The following ASCC3 variants were observed in gnomAD, a reference collection of about 807,000 sequenced individuals.
ASCC3 encodes the protein ASC-1 complex subunit P200.
In ASCC3, 158 loss-of-function variants were observed where a neutral mutation model predicts 256.3. The ratio of observed to expected loss-of-function variants is 0.62; its 90% CI spans 0.54 to 0.70. The LOEUF (loss-of-function observed/expected upper bound fraction) is 0.70, where lower values mean the gene tolerates loss of function less well. Among genes scored for constraint, ASCC3 ranks in the 30% least tolerant of loss-of-function variants. The probability of loss-of-function intolerance (pLI) is 0.00; values close to 1 mark genes in which losing one functional copy is unlikely to be tolerated. For missense variants in ASCC3, 2,259 were observed against 2,626.0 expected (o/e 0.86, Z 3.05); for synonymous variants, 948 against 883.4 (o/e 1.07, Z -1.30).
At chr6:100,572,807 A>C (rs897461844) in intron 36 of ASCC3, among the ~76,000 whole-genome samples, 2 of 152,160 alleles carry the variant, frequency 1.3e-5, no homozygotes, top group African/African-American at 4.8e-5. Context: ...TTTGTTAGTA[A>C]TTAAGCTCTG....
chr6:100,822,850 A>G (rs1316514967), intron 4 of ASCC3, among the ~76,000 whole-genome samples: 2 of 152,224 alleles, frequency 1.3e-5, no homozygotes, highest in East Asian at 3.9e-4. Context: ...CATGGCAGAG[A>G]TATCCTTACA....
intron 9 of ASCC3, 130 bp downstream of exon 9, chr6:100,767,015 C>G: frequency 2.0e-6 from 2 of 982,544 alleles, no homozygotes; most frequent in Non-Finnish European, 3.1e-6. Context: ...TGAAGTAAAT[C>G]AAACAGTATT....
chr6:100,723,592 T>C (rs1311121202), intron 11 of ASCC3, among the ~76,000 whole-genome samples: 1 of 151,248 alleles, frequency 6.6e-6, no homozygotes, highest in East Asian at 1.9e-4. Context: ...TTTCCACACT[T>C]GAATCTGAAT....
intron 37 of ASCC3, among the ~76,000 whole-genome samples, chr6:100,521,177 TC>T (rs1191111327): frequency 6.6e-6 from 1 of 151,998 alleles, no homozygotes; most frequent in Non-Finnish European, 1.5e-5. Flanking sequence ...CATAAAGTAA[TC>T]CCCCCTTATC....
At chr6:100,551,495 AGGG>A (rs1434320022) in intron 36 of ASCC3, among the ~76,000 whole-genome samples, 21 of 151,876 alleles carry the variant, frequency 1.4e-4, no homozygotes, top group Admixed American at 1.2e-3. Flanking sequence ...TGAATAGAAA[AGGG>A]GGGACTGGCA....
intron 30 of ASCC3, among the ~76,000 whole-genome samples, chr6:100,613,496 C>G (rs529470397): frequency 6.6e-6 from 1 of 152,060 alleles, no homozygotes; most frequent in South Asian, 2.1e-4. Context: ...TTTTTTATGG[C>G]TGAATAGTAT....
chr6:100,843,347 A>G (rs1481760212), intron 4 of ASCC3, among the ~76,000 whole-genome samples: 5 of 152,204 alleles, frequency 3.3e-5, no homozygotes, highest in Admixed American at 1.3e-4. Flanking sequence ...GCATGGGTCA[A>G]GTAACGCCAT....
intron 13 of ASCC3, among the ~76,000 whole-genome samples, chr6:100,681,744 A>AAAAAAAAAAAAT (rs1777318215): frequency 6.6e-6 from 1 of 150,956 alleles, no homozygotes; most frequent in Non-Finnish European, 1.5e-5. Context: ...AAAAAAAAAA[A>AAAAAAAAAAAAT]AAAGAAAAGA....
At chr6:100,702,265 G>C (rs1778392461) in intron 13 of ASCC3, among the ~76,000 whole-genome samples, 1 of 152,130 alleles carries the variant, frequency 6.6e-6, no homozygotes, top group Admixed American at 6.6e-5. Flanking sequence ...AGGTAAACTA[G>C]ATAGGCATTG....
At chr6:100,527,279 GCTT>G (rs1454439351) in intron 37 of ASCC3, among the ~76,000 whole-genome samples, 2 of 152,120 alleles carry the variant, frequency 1.3e-5, no homozygotes, top group African/African-American at 4.8e-5. Context: ...GCTTTCTGAA[GCTT>G]CTTGCGCAGT....
At position 100,548,611 on chromosome 6, in the gene ASCC3, G is replaced by C. The variant is rs541922689; in HGVS notation, c.5551-8224C>G. ...CAACTACATATATAAACGCAAATTTGATATGGTGACAAGTGCTATGAGGAA... is the reference window on the plus strand; with the variant it reads ...CAACTACATATATAAACGCAAATTTCATATGGTGACAAGTGCTATGAGGAA... On this transcript the variant is annotated intron_variant, in intron 36 of 41. Coordinates refer to ENST00000369162, the MANE Select transcript of ASCC3 (RefSeq NM_006828.4). Among the ~76,000 whole-genome samples the C allele has an allele frequency of 7.9e-5, 12 of 152,028 alleles. No homozygotes were observed. In the South Asian group the frequency reaches 2.5e-3, roughly 32 times the overall value.
At chr6:100,732,462 G>A (rs754335079) in intron 10 of ASCC3, among the ~76,000 whole-genome samples, 5 of 152,062 alleles carry the variant, frequency 3.3e-5, no homozygotes, top group Non-Finnish European at 5.9e-5. Flanking sequence ...GAAAATGACC[G>A]TTAATTAAGA....
chr6:100,838,179 GTCTT>G (rs1422884074), intron 4 of ASCC3, among the ~76,000 whole-genome samples: 2 of 152,086 alleles, frequency 1.3e-5, no homozygotes, highest in South Asian at 2.1e-4. Context: ...TTTAGGAAAT[GTCTT>G]TCTTTGAGAT....
At chr6:100,655,558 T>C in intron 17 of ASCC3, 141 bp downstream of exon 17, 1 of 951,404 alleles carries the variant, frequency 1.1e-6, no homozygotes, top group South Asian at 1.7e-5. Context: ...TCTAATTTTT[T>C]GAAAAATATT....
chr6:100,577,851 A>G (rs899579100), intron 36 of ASCC3, among the ~76,000 whole-genome samples: 1 of 152,088 alleles, frequency 6.6e-6, no homozygotes, highest in African/African-American at 2.4e-5. Flanking sequence ...TAGACACACA[A>G]TAAATATATT....
chr6:100,701,832 G>T (rs933175908), intron 13 of ASCC3, among the ~76,000 whole-genome samples: 11 of 152,082 alleles, frequency 7.2e-5, no homozygotes, highest in Admixed American at 3.9e-4. Flanking sequence ...ACTAAGTGAA[G>T]AGAATAAGGA....
intron 1 of ASCC3, among the ~76,000 whole-genome samples, chr6:100,877,109 G>C (rs1774036721): frequency 1.3e-5 from 2 of 152,002 alleles, no homozygotes; most frequent in African/African-American, 4.8e-5. Context: ...AGCAACTTTA[G>C]GAAAAGATAG....
chr6:100,837,694 G>GGA (rs149280889), intron 4 of ASCC3, among the ~76,000 whole-genome samples: 2,495 of 152,094 alleles, frequency 0.016, 68 homozygotes, highest in African/African-American at 0.057. Flanking sequence ...TCTCATAGAA[G>GGA]GAGAGAGTAC....
At chr6:100,686,604 T>C (rs1200919707) in intron 13 of ASCC3, among the ~76,000 whole-genome samples, 3 of 152,194 alleles carry the variant, frequency 2.0e-5, no homozygotes, top group African/African-American at 7.2e-5. Context: ...CCAAAACTTA[T>C]TTATAATAAC....
Sources: gnomAD v4.1 joint callset for allele counts (sites outside exome capture counted in the v4.1 genomes callset) on GRCh38, gnomAD v4.1.1 for gene constraint, MANE v1.5 for transcripts, NCBI Gene and HGNC (gene_info 2026-07-23, HGNC 2026-07-21) for gene names.